KLRF1: variants seen among roughly 807,000 people sequenced by gnomAD.
KLRF1 encodes killer cell lectin-like receptor subfamily F member 1.
In KLRF1, 27 loss-of-function variants were observed where a neutral mutation model predicts 30.7. The observed-to-expected ratio is 0.88, with a 90% CI of 0.65 to 1.21. The LOEUF (loss-of-function observed/expected upper bound fraction) is 1.21. KLRF1 is among the 50% of genes most tolerant of loss of function. The pLI is 0.00. For synonymous variants in KLRF1, 92 were observed against 89.3 expected (o/e 1.03, Z -0.17); for missense variants, 246 against 259.3 (o/e 0.95, Z 0.35).
chr12:9,813,176 G>A, the KLRF1 span, among the ~76,000 whole-genome samples: 1 of 151,368 alleles, frequency 6.6e-6, no homozygotes, highest in Non-Finnish European at 1.5e-5. Context: ...TATACTTTAA[G>A]TTTTAGGGTA....
Position 9,838,932 on chromosome 12 carries a change from A to G in KLRF1, c.335-2880A>G, listed in dbSNP as rs892457781. Among the ~76,000 whole-genome samples, 30 of 152,114 alleles carry G rather than the reference A, an allele frequency of 2.0e-4. 1 individual carries two copies. Among genetic ancestry groups the G allele is most frequent in the Admixed American group, 2.6e-4 (4 of 15,260 alleles). The stretch of plus-strand genomic sequence containing the variant: ...CCTTCACATTTACTTGGTTGCTGCT[A>G]TGAACTGAATTGTGCCCTCCCCCTA... On this transcript the variant is annotated intron_variant, in intron 3 of 5. Coordinates refer to ENST00000617889, the MANE Select transcript of KLRF1 (RefSeq NM_016523.3).
chr12:9,833,353 A>G lies in KLRF1; in HGVS notation c.235A>G (p.Thr79Ala). 1 of 1,608,842 alleles carries G rather than the reference A, an allele frequency of 6.2e-7. No homozygotes were observed. Among genetic ancestry groups the G allele is most frequent in the East Asian group, 2.2e-5 (1 of 44,538 alleles). Residue 79 changes from threonine to alanine, a missense_variant, in exon 3 of 6, where the codon ACT becomes GCT. Transcript: ENST00000617889. ...CCAAAAAGGAAGTTGTTCAAATGCC[A>G]CTCAGTATGAGGACACTGGAGATCT... ...KCQKGSCSNA[T>A]QYEDTGDLKV...
At chr12:9,813,644 T>A in the KLRF1 span, among the ~76,000 whole-genome samples, 4 of 149,478 alleles carry the variant, frequency 2.7e-5, no homozygotes, top group Non-Finnish European at 1.5e-5. Flanking sequence ...CAGTAGAAAA[T>A]CAGACTTGGA....
intron 5 of KLRF1, among the ~76,000 whole-genome samples, chr12:9,843,174 T>C (rs1309373248): frequency 2.0e-5 from 3 of 152,162 alleles, no homozygotes; most frequent in Non-Finnish European, 4.4e-5. Flanking sequence ...TATTGGGAGA[T>C]ATGAAGTGGA....
intron 3 of KLRF1, among the ~76,000 whole-genome samples, chr12:9,835,539 C>T (rs1184020009): frequency 2.6e-5 from 4 of 151,930 alleles, no homozygotes; most frequent in African/African-American, 9.7e-5. Context: ...GGGAAGGTAG[C>T]CGAGGATGGA....
chr12:9,840,645 G>A (rs1867680075), intron 3 of KLRF1, among the ~76,000 whole-genome samples: 1 of 152,040 alleles, frequency 6.6e-6, no homozygotes, highest in East Asian at 1.9e-4. Flanking sequence ...AATATTAAGA[G>A]GGAGAAAGGG....
intron 3 of KLRF1, among the ~76,000 whole-genome samples, chr12:9,840,880 A>C (rs1867685504): frequency 6.6e-6 from 1 of 152,124 alleles, no homozygotes; most frequent in African/African-American, 2.4e-5. Context: ...CCGTTATGGG[A>C]GACTGTGTGG....
the KLRF1 span, among the ~76,000 whole-genome samples, chr12:9,809,869 G>C: frequency 1.3e-5 from 2 of 151,646 alleles, no homozygotes; most frequent in Non-Finnish European, 2.9e-5. Flanking sequence ...TGAAAATATT[G>C]ACTGTGCCTA....
At chr12:9,818,228 G>T in the KLRF1 span, among the ~76,000 whole-genome samples, 2 of 152,194 alleles carry the variant, frequency 1.3e-5, no homozygotes, top group African/African-American at 2.4e-5. Context: ...AAGACCCGTG[G>T]TTCTCATCAC....
upstream of KLRF1, among the ~76,000 whole-genome samples, chr12:9,824,810 G>A (rs752790755): frequency 2.9e-4 from 44 of 152,000 alleles, no homozygotes; most frequent in Middle Eastern, 6.8e-3. Context: ...CAACATTCCT[G>A]TACACCTATA....
the KLRF1 span, among the ~76,000 whole-genome samples, chr12:9,801,260 G>T: frequency 6.6e-6 from 1 of 151,892 alleles, no homozygotes; most frequent in Non-Finnish European, 1.5e-5. Context: ...ATGGGCATTT[G>T]GGTTGGTTCC....
chr12:9,817,614 C>T, the KLRF1 span: 2 of 302,192 alleles, frequency 6.6e-6, no homozygotes, highest in Admixed American at 4.5e-5. Context: ...CTTTGAAGGT[C>T]CACGGTTTTT....
rs1458056616 is a variant in KLRF1, at chr12:9,844,464, A to G, written c.634A>G (p.Lys212Glu). The G allele has an allele frequency of 1.2e-6, 2 of 1,611,144 alleles. No homozygotes were observed. The highest frequency in any genetic ancestry group is 1.1e-5 in the South Asian group (1 of 90,954). The change falls in exon 6 of 6, where the codon AAG becomes GAG. Residue 212 changes from lysine (K) to glutamate (E), a missense_variant. Physicochemically the swap from Lys to Glu is moderately conservative, Grantham distance 56. Coordinates refer to ENST00000617889, the MANE Select transcript of KLRF1 (RefSeq NM_016523.3). ...TAAAGAAAACAGCTGTGCTGCCATT[A>G]AGGAAAGCAAAATTTTCTCTGAAAC... ...PAKENSCAAI[K>E]ESKIFSETCS...
upstream of KLRF1, among the ~76,000 whole-genome samples, chr12:9,824,096 A>G (rs927741550): frequency 7.9e-5 from 12 of 152,178 alleles, no homozygotes; most frequent in Non-Finnish European, 1.6e-4. Flanking sequence ...TTTGAGTTGA[A>G]AGGACTCCTC....
intron 3 of KLRF1, among the ~76,000 whole-genome samples, chr12:9,835,861 A>C (rs775594739): frequency 6.6e-6 from 1 of 152,174 alleles, no homozygotes; most frequent in South Asian, 2.1e-4. Context: ...AGGTTTTTTA[A>C]GTAAGTGTGG....
chr12:9,815,341 T>C, the KLRF1 span, among the ~76,000 whole-genome samples: 2 of 152,216 alleles, frequency 1.3e-5, no homozygotes, highest in Non-Finnish European at 2.9e-5. Context: ...TGTCTCAACA[T>C]GCTATGGTTT....
intron 3 of KLRF1, among the ~76,000 whole-genome samples, chr12:9,837,694 A>G (rs1017089149): frequency 2.0e-5 from 3 of 152,148 alleles, no homozygotes; most frequent in Non-Finnish European, 4.4e-5. Flanking sequence ...TAACACATTC[A>G]ACTTAACTTT....
At position 9,833,958 on chromosome 12, in the gene KLRF1, C is replaced by T. The variant is rs7957767; in HGVS notation, c.334+506C>T. Among the ~76,000 whole-genome samples, 899 of 122,000 alleles carry T rather than the reference C, an allele frequency of 7.4e-3. 15 individuals carry two copies. The highest frequency in any genetic ancestry group is 0.027 in the African/African-American group (795 of 29,086). The allele number at this position is 122,000 out of a possible 152,430, so 80.0% of individuals were successfully genotyped here. On this transcript the variant is annotated intron_variant, in intron 3 of 5. Coordinates refer to ENST00000617889, the MANE Select transcript of KLRF1 (RefSeq NM_016523.3). Reference sequence around the variant, plus strand: ...CAAGGCTGTTTATTTCACCTGGGTGCAGGCGGGCTGAGTCCGAAAAGAAGA... The same window carrying T: ...CAAGGCTGTTTATTTCACCTGGGTGTAGGCGGGCTGAGTCCGAAAAGAAGA...
rs188917304 is a variant in KLRF1 at position 9,843,857 on chromosome 12, A to G, written c.588-561A>G. ...TTCTTGAACTTTTTCCACAGGTCAA[A>G]CAAATTTATCAGAATGTATCACTAA... On this transcript the variant is annotated intron_variant, in intron 5 of 5. Coordinates refer to ENST00000617889, the MANE Select transcript of KLRF1 (RefSeq NM_016523.3). 4.1e-4 allele frequency among the ~76,000 whole-genome samples: 62 copies of G among 152,296 alleles called. 1 individual carries two copies. The highest frequency in any genetic ancestry group is 1.4e-3 in the African/African-American group (57 of 41,590).
Sources: gnomAD v4.1 joint callset for allele counts (sites outside exome capture counted in the v4.1 genomes callset) on GRCh38, gnomAD v4.1.1 for gene constraint, MANE v1.5 for transcripts, NCBI Gene and HGNC (gene_info 2026-07-23, HGNC 2026-07-21) for gene names.